The following KCNAB1 variants were observed in gnomAD, a reference collection of about 807,000 sequenced individuals.
The protein encoded by KCNAB1 is potassium voltage-gated channel subfamily A regulatory beta subunit 1.
KCNAB1 carries 35 observed loss-of-function variants against 64.6 expected under a neutral mutation model. The observed-to-expected ratio is 0.54, with a 90% CI of 0.41 to 0.72. KCNAB1 has a LOEUF of 0.72. Ranked by LOEUF, KCNAB1 falls within the 30% of genes least tolerant of loss-of-function variation. The pLI is 0.00. For synonymous variants in KCNAB1, 177 were observed against 183.8 expected (o/e 0.96, Z 0.30); for missense variants, 401 against 512.9 (o/e 0.78, Z 2.11).
At chr3:156,140,028 A>AT (rs1342939587) in intron 1 of KCNAB1, among the ~76,000 whole-genome samples, 2 of 151,996 alleles carry the variant, frequency 1.3e-5, no homozygotes, top group South Asian at 2.1e-4. Context: ...ATTTCCTTTC[A>AT]TTTTTTTCTC....
chr3:156,493,462 C>T (rs1472125710), intron 8 of KCNAB1, among the ~76,000 whole-genome samples: 3 of 151,976 alleles, frequency 2.0e-5, no homozygotes. Flanking sequence ...GATATAATTT[C>T]AGACATAAAA....
intron 1 of KCNAB1, among the ~76,000 whole-genome samples, chr3:156,230,560 A>G (rs1254553331): frequency 6.6e-6 from 1 of 152,218 alleles, no homozygotes; most frequent in Non-Finnish European, 1.5e-5. Context: ...ATATACAGTG[A>G]CACTGGGTAT....
intron 8 of KCNAB1, among the ~76,000 whole-genome samples, chr3:156,492,806 A>C (rs1715728903): frequency 6.6e-6 from 1 of 152,176 alleles, no homozygotes; most frequent in South Asian, 2.1e-4. Flanking sequence ...TCAACAGATA[A>C]TGTCTCAAAA....
chr3:156,292,800 C>T (rs1245404724), intron 1 of KCNAB1, among the ~76,000 whole-genome samples: 1 of 152,182 alleles, frequency 6.6e-6, no homozygotes, highest in Non-Finnish European at 1.5e-5. Flanking sequence ...GCCTTGGCCT[C>T]CCAAAGTGCT....
At chr3:156,274,203 CAAT>C (rs1189830357) in intron 1 of KCNAB1, among the ~76,000 whole-genome samples, 1 of 150,584 alleles carries the variant, frequency 6.6e-6, no homozygotes, top group African/African-American at 2.4e-5. Context: ...TGAACAACAA[CAAT>C]ATCAATTACA....
At chr3:156,214,340 G>A (rs1469296348) in intron 1 of KCNAB1, among the ~76,000 whole-genome samples, 1 of 152,054 alleles carries the variant, frequency 6.6e-6, no homozygotes, top group Non-Finnish European at 1.5e-5. Flanking sequence ...CAGTCTTGTG[G>A]GACTGAGCCC....
At chr3:156,118,398 CT>C, upstream of KCNAB1, 1 of 436,514 alleles carries the variant, frequency 2.3e-6, no homozygotes. Flanking sequence ...GCTGCATGGT[CT>C]TTCTGACTTA....
intron 1 of KCNAB1, among the ~76,000 whole-genome samples, chr3:156,122,163 C>A (rs1445837182): frequency 7.5e-6 from 1 of 133,546 alleles, no homozygotes; most frequent in African/African-American, 2.8e-5. Context: ...ATTTGGGGTA[C>A]ATGGGAGGAA....
intron 1 of KCNAB1, among the ~76,000 whole-genome samples, chr3:156,376,888 T>A (rs1466125407): frequency 6.6e-6 from 1 of 152,142 alleles, no homozygotes; most frequent in African/African-American, 2.4e-5. Flanking sequence ...GAACAAGGAC[T>A]TGAGGAGATG....
intron 1 of KCNAB1, among the ~76,000 whole-genome samples, chr3:156,268,015 C>T (rs1323025558): frequency 6.6e-6 from 1 of 151,138 alleles, no homozygotes; most frequent in African/African-American, 2.4e-5. Flanking sequence ...TTAGCCACCC[C>T]CACTTCCTCC....
At chr3:156,451,232 C>A (rs1424144652) in intron 2 of KCNAB1, among the ~76,000 whole-genome samples, 1 of 152,238 alleles carries the variant, frequency 6.6e-6, no homozygotes, top group African/African-American at 2.4e-5. Context: ...TCTAGTCAAG[C>A]AAAACAAGGC....
At chr3:156,211,225 A>G (rs1178221935) in intron 1 of KCNAB1, among the ~76,000 whole-genome samples, 1 of 152,210 alleles carries the variant, frequency 6.6e-6, no homozygotes, top group Non-Finnish European at 1.5e-5. Context: ...GGGGAACTAT[A>G]TATCAAAGGG....
intron 1 of KCNAB1, among the ~76,000 whole-genome samples, chr3:156,239,041 A>G (rs1476343973): frequency 6.6e-6 from 1 of 152,234 alleles, no homozygotes; most frequent in Non-Finnish European, 1.5e-5. Context: ...CAATTGAGAA[A>G]CAAGTATTTT....
intron 1 of KCNAB1, among the ~76,000 whole-genome samples, chr3:156,224,737 G>T (rs145596799): frequency 1.3e-5 from 2 of 152,026 alleles, no homozygotes; most frequent in African/African-American, 4.8e-5. Context: ...ATGAAATGGG[G>T]TATATTACAA....
intron 1 of KCNAB1, among the ~76,000 whole-genome samples, chr3:156,250,244 G>A (rs1717740470): frequency 6.6e-6 from 1 of 152,160 alleles, no homozygotes; most frequent in Non-Finnish European, 1.5e-5. Context: ...GCCCTAGAAA[G>A]CATCAGGGAC....
intron 2 of KCNAB1, among the ~76,000 whole-genome samples, chr3:156,430,069 C>T (rs1376834450): frequency 6.6e-6 from 1 of 152,110 alleles, no homozygotes; most frequent in Non-Finnish European, 1.5e-5. Flanking sequence ...GGATAAAATC[C>T]TTCTTAAGAA....
intron 3 of KCNAB1, 76 bp from the exon 4 acceptor site, chr3:156,457,377 C>G (rs1343026898): frequency 6.2e-7 from 1 of 1,604,278 alleles, no homozygotes; most frequent in Non-Finnish European, 8.5e-7. Flanking sequence ...TCCTAAAGAC[C>G]GGTAGAGGAC....
At chr3:156,264,797 C>T (rs1364776974) in intron 1 of KCNAB1, among the ~76,000 whole-genome samples, 1 of 152,128 alleles carries the variant, frequency 6.6e-6, no homozygotes, top group South Asian at 2.1e-4. Flanking sequence ...AACTAAAGCA[C>T]TTTACATTCC....
intron 1 of KCNAB1, among the ~76,000 whole-genome samples, chr3:156,298,021 C>A (rs1478281611): frequency 1.3e-5 from 2 of 152,148 alleles, no homozygotes; most frequent in Non-Finnish European, 2.9e-5. Context: ...TCCACTGACA[C>A]CCATGGGTAT....
Sources: allele counts gnomAD v4.1 joint callset (sites outside exome capture counted in the v4.1 genomes callset), GRCh38; gene constraint gnomAD v4.1.1; transcripts MANE v1.5; gene names NCBI Gene and HGNC (gene_info 2026-07-23, HGNC 2026-07-21).